The following INF2 variants were observed in gnomAD, a reference collection of about 807,000 sequenced individuals.
INF2 encodes inverted formin-2.
INF2 carries 43 observed loss-of-function variants against 123.5 expected under a neutral mutation model. The ratio of observed to expected loss-of-function variants is 0.35; its 90% CI spans 0.27 to 0.45. The LOEUF is 0.45. Ranked by LOEUF, INF2 falls within the 20% of genes least tolerant of loss-of-function variation. The probability of loss-of-function intolerance (pLI) is 1.00; values close to 1 mark genes in which losing one functional copy is unlikely to be tolerated. For missense variants in INF2, 1,453 were observed against 1,682.7 expected (o/e 0.86, Z 2.39); for synonymous variants, 851 against 745.0 (o/e 1.14, Z -2.32).
At chr14:104,691,655 C>T (rs906430270) in intron 1 of INF2, among the ~76,000 whole-genome samples, 2 of 152,186 alleles carry the variant, frequency 1.3e-5, no homozygotes, top group African/African-American at 4.8e-5. Flanking sequence ...CCAGGGGCCA[C>T]AGCAGACCCA....
At chr14:104,692,012 C>T (rs1014831309) in intron 1 of INF2, among the ~76,000 whole-genome samples, 1 of 152,216 alleles carries the variant, frequency 6.6e-6, no homozygotes, top group African/African-American at 2.4e-5. Context: ...ACAGCCCTTT[C>T]TAAGCTGTAA....
Position 104,711,114 on chromosome 14 carries a change from C to T in INF2, c.2346C>T (p.Ile782=). The change falls in exon 15 of 23, where the codon ATC becomes ATT. Residue 782 remains isoleucine (I), a synonymous_variant. Coordinates refer to ENST00000392634, the MANE Select transcript of INF2 (RefSeq NM_022489.4). ...SHTGDADGFK[I]STLLKLTETK... is the part of the protein sequence containing the mutation. Reference sequence around the variant, plus strand: ...CCGGTGACGCCGACGGCTTCAAGATCAGCACATTGCTGAAGCTCACGGAGA... The same window carrying T: ...CCGGTGACGCCGACGGCTTCAAGATTAGCACATTGCTGAAGCTCACGGAGA... 1.3e-6 allele frequency: 2 copies of T among 1,586,020 alleles called. No homozygotes were observed. Among genetic ancestry groups the T allele is most frequent in the Non-Finnish European group, 1.7e-6 (2 of 1,167,568 alleles).
At chr14:104,715,411 C>T (rs1217029168) in intron 22 of INF2, 71 bp downstream of exon 22, 2 of 1,391,196 alleles carry the variant, frequency 1.4e-6, no homozygotes, top group African/African-American at 1.4e-5. Flanking sequence ...GCTTGCTGCC[C>T]ACACCCCTCC....
intron 21 of INF2, 27 bp downstream of exon 21, chr14:104,714,883 C>CGTCCCACGCCAGGGCGCT: frequency 6.6e-7 from 1 of 1,503,782 alleles, no homozygotes; most frequent in Non-Finnish European, 8.8e-7. Flanking sequence ...CCCCGGGCAC[C>CGTCCCACGCCAGGGCGCT]GTCCCACGCC....
chr14:104,688,544 T>C (rs1228505669), upstream of INF2, among the ~76,000 whole-genome samples: 3 of 152,248 alleles, frequency 2.0e-5, no homozygotes, highest in Non-Finnish European at 4.4e-5. Context: ...TTTATCCGCA[T>C]GTTCTTGACC....
At chr14:104,700,533 G>A (rs945079454) in intron 1 of INF2, among the ~76,000 whole-genome samples, 3 of 152,200 alleles carry the variant, frequency 2.0e-5, no homozygotes, top group African/African-American at 7.2e-5. Context: ...CAGGGTCTGT[G>A]GTTGGGGACA....
Position 104,710,185 on chromosome 14 carries a change from G to T in INF2, c.2236G>T (p.Glu746Ter). 6.5e-7 allele frequency: 1 copy of T among 1,546,418 alleles called. No individual in the cohort carries two copies. Among genetic ancestry groups the T allele is most frequent in the Non-Finnish European group, 8.7e-7 (1 of 1,145,962 alleles). ...GGCCCAGCTGGTGCTGGCTGCCTGCGAAAGTGAGTGGGGCCAAGCGGGGCA... is the reference window on the plus strand; with the variant it reads ...GGCCCAGCTGGTGCTGGCTGCCTGCTAAAGTGAGTGGGGCCAAGCGGGGCA... ...PKAQLVLAAC[E>*]SLLTSRQLPI... The change falls in exon 13 of 23, where the codon GAA becomes TAA. Residue 746 changes from glutamate (E) to a stop codon, truncating the protein, a stop_gained. Transcript: ENST00000392634. LOFTEE classifies it high-confidence loss of function.
Position 104,719,039 on chromosome 14 carries a change from C to T in INF2, c.*246C>T, listed in dbSNP as rs1890450154. 1 of 929,592 alleles carries T rather than the reference C, an allele frequency of 1.1e-6. No individual in the cohort carries two copies. The highest frequency in any genetic ancestry group is 1.5e-6 in the Non-Finnish European group (1 of 657,230). The allele number at this position is 929,592 out of a possible 1,614,324, so 57.6% of individuals were successfully genotyped here. On this transcript the variant is annotated 3_prime_UTR_variant, in exon 23 of 23. Coordinates refer to ENST00000392634, the MANE Select transcript of INF2 (RefSeq NM_022489.4). ...ACCGCCTGCACGTGCCAGCCTCCCACCTGCTTCCTAAAGGCAACCCTGGCC... is the reference window on the plus strand; with the variant it reads ...ACCGCCTGCACGTGCCAGCCTCCCATCTGCTTCCTAAAGGCAACCCTGGCC...
rs768895848 is a variant in INF2, at chr14:104,708,661, G to C, written c.1888-10G>C. 1 of 1,612,964 alleles carries C rather than the reference G, an allele frequency of 6.2e-7. No homozygotes were observed. The highest frequency in any genetic ancestry group is 1.1e-5 in the South Asian group (1 of 91,084). ...TCCGGTACCAGCCTGTTGGGTGGGG[G>C]GTTTTCTAGATCACTTTCCTCGATG... On this transcript the variant is annotated splice_polypyrimidine_tract_variant and intron_variant, in intron 9 of 22. Coordinates refer to ENST00000392634, the MANE Select transcript of INF2 (RefSeq NM_022489.4).
rs1889829846 is a variant in INF2 at position 104,707,388 on chromosome 14, A to G, written c.1121A>G (p.Gln374Arg). 6.3e-7 allele frequency: 1 copy of G among 1,590,650 alleles called. No homozygotes were observed. Among genetic ancestry groups the G allele is most frequent in the Non-Finnish European group, 8.5e-7 (1 of 1,170,072 alleles). Residue 374 changes from glutamine to arginine, a missense_variant, in exon 8 of 23, where the codon CAA becomes CGA. Around this residue, in one of 8 missense-constraint regions of INF2, gnomAD observed 374 missense variants for 303.7 expected, o/e 1.23. Coordinates refer to ENST00000392634, the MANE Select transcript of INF2 (RefSeq NM_022489.4). ...CAGAGCCAGAGGGGCAGCTCCCCGC[A>G]AAACACTACAACCCCCAAGCCCAGC... ...LDQSQRGSSP[Q>R]NTTTPKPSVE...
At chr14:104,693,891 TG>T (rs1307291541) in intron 1 of INF2, among the ~76,000 whole-genome samples, 12 of 152,216 alleles carry the variant, frequency 7.9e-5, no homozygotes, top group African/African-American at 2.7e-4. Context: ...CAGCTCAGAC[TG>T]TCGCCTGCAC....
chr14:104,713,333 G>A (rs200728095), intron 19 of INF2, 24 bp downstream of exon 19: 23 of 1,551,610 alleles, frequency 1.5e-5, no homozygotes, highest in Non-Finnish European at 2.0e-5. Context: ...GGCTGGGCGG[G>A]GAGGGGGTGA....
chr14:104,707,783 C>CCGGG lies in INF2; in HGVS notation c.1516_1517insCGGG (p.Leu506ProfsTer75). ...GGGATGCCCGCCCCCACCCCCACCC[C>CCGGG]TGCTGCCTGGTATGGGCTGGGGCCC... On this transcript the variant is annotated frameshift_variant, in exon 8 of 23. Transcript: ENST00000392634. LOFTEE classifies it high-confidence loss of function. The CCGGG allele has an allele frequency of 1.4e-6, 2 of 1,432,984 alleles. No homozygotes were observed. The highest frequency in any genetic ancestry group is 1.9e-6 in the Non-Finnish European group (2 of 1,048,104). 88.8% of individuals were successfully genotyped at this position (1,432,984 alleles called of 1,614,324 possible). A position where few individuals can be genotyped will look rare whatever the true frequency, so the allele number is the denominator to read the frequency against.
chr14:104,703,352 G>A lies in INF2; in HGVS notation c.565G>A (p.Asp189Asn), dbSNP rs753287786. ...SIVMNELSGSDNVPYVVTLLS... is the reference protein window; with the variant it reads ...SIVMNELSGSNNVPYVVTLLS... ...TGTCATGAACGAGCTCTCCGGCAGCGACAACGTGCCCTACGTGGTCACCCT... is the reference window on the plus strand; with the variant it reads ...TGTCATGAACGAGCTCTCCGGCAGCAACAACGTGCCCTACGTGGTCACCCT... Residue 189 changes from aspartate (D) to asparagine (N), a missense_variant, in exon 4 of 23, where the codon GAC (aspartate) becomes AAC (asparagine). Coordinates refer to ENST00000392634, the MANE Select transcript of INF2 (RefSeq NM_022489.4). 6.8e-6 allele frequency: 11 copies of A among 1,613,084 alleles called. No individual in the cohort carries two copies. Among genetic ancestry groups the A allele is most frequent in the Non-Finnish European group, 9.3e-6 (11 of 1,179,936 alleles).
At chr14:104,700,180 C>T (rs1392171417) in intron 1 of INF2, among the ~76,000 whole-genome samples, 3 of 152,184 alleles carry the variant, frequency 2.0e-5, no homozygotes, top group African/African-American at 7.2e-5. Context: ...CCGGGTTGGG[C>T]AGCACTTGAA....
upstream of INF2, among the ~76,000 whole-genome samples, chr14:104,687,271 G>A (rs1888687163): frequency 6.6e-6 from 1 of 152,058 alleles, no homozygotes; most frequent in Admixed American, 6.5e-5. This position sits in a 1 kb window ranked among gnomAD's most constrained non-coding sequence, Gnocchi z 5.6. Flanking sequence ...TGGGAGCGCT[G>A]GAGGTACAGA....
chr14:104,682,363 C>A (rs1888546557), intron 1 of INF2, among the ~76,000 whole-genome samples: 1 of 152,182 alleles, frequency 6.6e-6, no homozygotes, highest in Admixed American at 6.5e-5. Flanking sequence ...AGCTCAGGAG[C>A]AAATGGATTC....
At chr14:104,705,770 G>GCCCTTC (rs906802978) in intron 5 of INF2, among the ~76,000 whole-genome samples, 51 of 152,320 alleles carry the variant, frequency 3.3e-4, no homozygotes, top group African/African-American at 1.1e-3. Context: ...GGGCATACTC[G>GCCCTTC]CCCTTCCCCT....
chr14:104,716,048 A>C, intron 22 of INF2: 1 of 435,724 alleles, frequency 2.3e-6, no homozygotes, highest in Non-Finnish European at 4.6e-6. Flanking sequence ...AGGCCAATGC[A>C]TCCAGCTAGA....
Sources: gnomAD v4.1 joint callset for allele counts (sites outside exome capture counted in the v4.1 genomes callset) on GRCh38, gnomAD v4.1.1 for gene constraint, gnomAD v4.1.1 regional missense constraint, Gnocchi (gnomAD v3.1) non-coding constraint, MANE v1.5 for transcripts, NCBI Gene and HGNC (gene_info 2026-07-23, HGNC 2026-07-21) for gene names.